ARNT2: variants seen among roughly 807,000 people sequenced by gnomAD.
The protein encoded by ARNT2 is ARNT protein 2.
Under a neutral mutation model 91.7 loss-of-function variants are expected in ARNT2, and 36 were observed. The ratio of observed to expected loss-of-function variants is 0.39; its 90% CI spans 0.30 to 0.52. ARNT2 has a LOEUF of 0.52. Among genes scored for constraint, ARNT2 ranks in the 20% least tolerant of loss-of-function variants. The pLI, the probability that ARNT2 is intolerant of heterozygous loss-of-function variation, is 0.72. For synonymous variants in ARNT2, 365 were observed against 347.1 expected, an observed-to-expected ratio of 1.05 and a Z score of -0.57; for missense variants, 775 against 939.3, an observed-to-expected ratio of 0.83 and a Z score of 2.29.
In ARNT2 at chr15:80,580,547, C is replaced by G. The variant is rs1194530731; in HGVS notation, c.1750C>G (p.Gln584Glu). The G allele has an allele frequency of 1.9e-6, 3 of 1,613,746 alleles. No individual in the cohort carries two copies. Among genetic ancestry groups the G allele is most frequent in the Non-Finnish European group, 2.5e-6 (3 of 1,180,016 alleles). Reference protein sequence around the residue: ...WTGSRPPFPGQQIPSQSSKTQ... With the variant: ...WTGSRPPFPGEQIPSQSSKTQ... ...AGGGAGTCGTCCGCCCTTTCCGGGACAGGTATGGGCATCTGTGAGGGCATC... is the reference window on the plus strand; with the variant it reads ...AGGGAGTCGTCCGCCCTTTCCGGGAGAGGTATGGGCATCTGTGAGGGCATC... The change falls in exon 16 of 19, where the codon CAG becomes GAG. Residue 584 changes from glutamine to glutamate, a missense_variant and splice_region_variant. By Grantham distance (29) the Gln-to-Glu change is conservative. Around this residue, in one of 5 missense-constraint regions of ARNT2, gnomAD observed 325 missense variants for 359.9 expected, o/e 0.90. Transcript: ENST00000303329.
At chr15:80,470,524 T>C (rs1254865583) in intron 4 of ARNT2, 93 bp downstream of exon 4, 50 of 1,377,250 alleles carry the variant, frequency 3.6e-5, no homozygotes, top group Non-Finnish European at 3.5e-5. Flanking sequence ...GGCTCAAGGT[T>C]GAGGAAGGAA....
Position 80,418,869 on chromosome 15 carries a change from T to A in ARNT2, c.31+14323T>A, listed in dbSNP as rs151079749. On this transcript the variant is annotated intron_variant, in intron 1 of 18. Transcript: ENST00000303329. ...GCCCCTTTTTTCAAGTTAATTCATT[T>A]GTCCTCATTCATTCATTCAATAAAT... is the stretch of plus-strand genomic sequence containing the variant. Among the ~76,000 whole-genome samples the A allele has an allele frequency of 2.2e-3, 330 of 152,354 alleles. 13 individuals are homozygous for A. The East Asian group carries it at 0.055, about 25-fold the overall frequency.
intron 1 of ARNT2, among the ~76,000 whole-genome samples, chr15:80,423,529 C>G (rs183813514): frequency 5.7e-4 from 86 of 152,154 alleles, no homozygotes; most frequent in Non-Finnish European, 1.1e-3. Flanking sequence ...ATAGATTTCC[C>G]AAGGTTGAGC....
chr15:80,420,355 G>A (rs1366638512), intron 1 of ARNT2, among the ~76,000 whole-genome samples: 2 of 152,090 alleles, frequency 1.3e-5, no homozygotes, highest in Non-Finnish European at 2.9e-5. Flanking sequence ...AAGATGCCAG[G>A]CCAGATCATG....
intron 1 of ARNT2, among the ~76,000 whole-genome samples, chr15:80,410,808 CTATCA>C (rs1895671392): frequency 6.8e-6 from 1 of 146,064 alleles, no homozygotes; most frequent in East Asian, 2.0e-4. Context: ...ATCTATCTAT[CTATCA>C]TCTATCTACC....
chr15:80,551,312 A>G, intron 9 of ARNT2, 37 bp downstream of exon 9: 1 of 1,572,898 alleles, frequency 6.4e-7, no homozygotes, highest in Non-Finnish European at 8.7e-7. Context: ...ATCTTAAATG[A>G]AGGCTTATTG....
rs370139492 is a variant in ARNT2 at position 80,470,443 on chromosome 15, A to G, written c.408+12A>G. 3.1e-6 allele frequency: 5 copies of G among 1,613,056 alleles called. No individual in the cohort carries two copies. The highest frequency in any genetic ancestry group is 3.4e-6 in the Non-Finnish European group (4 of 1,179,222). ...TCCTCACAGAGCAGGTACCCTGGTC[A>G]TCACATCACCATTGGAAAGCGGGGG... is the stretch of plus-strand genomic sequence containing the variant. On this transcript the variant is annotated intron_variant, in intron 4 of 18. Transcript: ENST00000303329.
At chr15:80,553,980 G>A (rs978219069) in intron 10 of ARNT2, among the ~76,000 whole-genome samples, 9 of 152,132 alleles carry the variant, frequency 5.9e-5, no homozygotes, top group Non-Finnish European at 1.2e-4. Context: ...TTATCTAGTG[G>A]CACCTCCCAG....
intron 6 of ARNT2, among the ~76,000 whole-genome samples, chr15:80,512,104 T>C (rs1351750632): frequency 6.6e-6 from 1 of 152,202 alleles, no homozygotes; most frequent in African/African-American, 2.4e-5. Context: ...TGCTTTAAAA[T>C]AAGTATCTAT....
rs757840792 is a variant in ARNT2 at position 80,475,420 on chromosome 15, C to T, written c.622+197C>T. ...ATACAAAAACAAAAAATTTGCCAGGCGTGGTGGTGGGCGCCTGTGGTCCCA... is the reference window on the plus strand; with the variant it reads ...ATACAAAAACAAAAAATTTGCCAGGTGTGGTGGTGGGCGCCTGTGGTCCCA... On this transcript the variant is annotated intron_variant, in intron 5 of 18. Coordinates refer to ENST00000303329, the MANE Select transcript of ARNT2 (RefSeq NM_014862.4). 2.0e-5 allele frequency: 10 copies of T among 501,640 alleles called. 1 individual carries two copies. The highest frequency in any genetic ancestry group is 6.3e-5 in the South Asian group (3 of 47,858). The allele number at this position is 501,640 out of a possible 1,614,324, so 31.1% of individuals were successfully genotyped here.
intron 1 of ARNT2, among the ~76,000 whole-genome samples, chr15:80,410,186 G>A (rs1895660203): frequency 6.6e-6 from 1 of 152,166 alleles, no homozygotes; most frequent in Non-Finnish European, 1.5e-5. Flanking sequence ...ATGAGAGAGA[G>A]GGAGGTGGAT....
At chr15:80,550,905 G>A (rs1291805685) in intron 8 of ARNT2, among the ~76,000 whole-genome samples, 1 of 152,210 alleles carries the variant, frequency 6.6e-6, no homozygotes, top group African/African-American at 2.4e-5. Context: ...CTAAATAAAT[G>A]TTTTGTCCAA....
intron 8 of ARNT2, among the ~76,000 whole-genome samples, chr15:80,549,426 G>A (rs992761330): frequency 6.6e-6 from 1 of 152,064 alleles, no homozygotes; most frequent in African/African-American, 2.4e-5. Context: ...AAAGACAGGG[G>A]ACCATCTGGA....
chr15:80,425,728 GTTGT>G (rs897666270), intron 1 of ARNT2, among the ~76,000 whole-genome samples: 14 of 148,342 alleles, frequency 9.4e-5, no homozygotes, highest in African/African-American at 3.5e-4. Context: ...TTTTTTTTTT[GTTGT>G]TTGTTTGTTT....
chr15:80,584,186 G>A (rs971352000), intron 17 of ARNT2, among the ~76,000 whole-genome samples: 5 of 152,168 alleles, frequency 3.3e-5, no homozygotes, highest in Non-Finnish European at 5.9e-5. Context: ...TGCTGTCATC[G>A]TCTGTGATGA....
intron 8 of ARNT2, among the ~76,000 whole-genome samples, chr15:80,522,680 A>G (rs1897569123): frequency 6.6e-6 from 1 of 151,826 alleles, no homozygotes; most frequent in African/African-American, 2.4e-5. Context: ...TGGTATTGTA[A>G]TCTTATGGGA....
chr15:80,424,198 G>T (rs1895902172), intron 1 of ARNT2, among the ~76,000 whole-genome samples: 1 of 152,216 alleles, frequency 6.6e-6, no homozygotes, highest in Non-Finnish European at 1.5e-5. Flanking sequence ...CATGGGGTCA[G>T]ACTTACCTGG....
chr15:80,516,382 A>G (rs900862937), intron 8 of ARNT2, among the ~76,000 whole-genome samples: 9 of 152,048 alleles, frequency 5.9e-5, no homozygotes, highest in Admixed American at 5.2e-4. Flanking sequence ...TTTGGTGCAC[A>G]TATGTTAGGG....
chr15:80,517,288 A>G (rs554411611), intron 8 of ARNT2, among the ~76,000 whole-genome samples: 4 of 152,238 alleles, frequency 2.6e-5, no homozygotes, highest in Non-Finnish European at 4.4e-5. Flanking sequence ...TCTTGTTAAC[A>G]TGGTTTCTGA....
Sources: gnomAD v4.1 joint callset for allele counts (sites outside exome capture counted in the v4.1 genomes callset) on GRCh38, gnomAD v4.1.1 for gene constraint, gnomAD v4.1.1 regional missense constraint, MANE v1.5 for transcripts, NCBI Gene and HGNC (gene_info 2026-07-23, HGNC 2026-07-21) for gene names.